ADCY9: variants seen among roughly 807,000 people sequenced by gnomAD.
The protein encoded by ADCY9 is adenylate cyclase 9.
ADCY9 carries 50 observed loss-of-function variants against 101.5 expected under a neutral mutation model. The ratio of observed to expected loss-of-function variants is 0.49; its 90% CI spans 0.39 to 0.62. ADCY9 has a LOEUF of 0.62. Ranked by LOEUF, ADCY9 falls within the 20% of genes least tolerant of loss-of-function variation. ADCY9 has a pLI of 0.00. For synonymous variants in ADCY9, 905 were observed against 769.3 expected, an observed-to-expected ratio of 1.18 and a Z score of -2.92; for missense variants, 1,662 against 1,800.4, an observed-to-expected ratio of 0.92 and a Z score of 1.39.
intron 2 of ADCY9, among the ~76,000 whole-genome samples, chr16:4,017,165 A>G (rs1400675861): frequency 6.7e-6 from 1 of 149,874 alleles, no homozygotes; most frequent in Non-Finnish European, 1.5e-5. Flanking sequence ...CCCTGTCTCA[A>G]ATATAATAAT....
Position 3,979,157 on chromosome 16 carries a change from C to T in ADCY9, c.2638G>A (p.Val880Ile), listed in dbSNP as rs377240633. 1.7e-5 allele frequency: 27 copies of T among 1,614,204 alleles called. No homozygotes were observed. Among genetic ancestry groups the T allele is most frequent in the South Asian group, 9.9e-5 (9 of 91,088 alleles). Reference sequence around the variant, plus strand: ...TATTCGGAGGTGACATGGGAGTAGACGGCCAGTGCGGGAAGCGACACCAGG... The same window carrying T: ...TATTCGGAGGTGACATGGGAGTAGATGGCCAGTGCGGGAAGCGACACCAGG... ...AILVSLPALA[V>I]YSHVTSEYET... Residue 880 changes from valine (V) to isoleucine (I), a missense_variant, in exon 8 of 11, where the codon GTC becomes ATC. By Grantham distance (29) the Val-to-Ile change is conservative (BLOSUM62 3). Transcript: ENST00000294016.
At chr16:4,110,165 T>C (rs1170718438) in intron 2 of ADCY9, among the ~76,000 whole-genome samples, 1 of 152,132 alleles carries the variant, frequency 6.6e-6, no homozygotes, top group Non-Finnish European at 1.5e-5. Flanking sequence ...TTAACGCAGG[T>C]CAGACGCGCC....
At chr16:4,065,098 A>G (rs2056793258) in intron 2 of ADCY9, among the ~76,000 whole-genome samples, 1 of 152,188 alleles carries the variant, frequency 6.6e-6, no homozygotes, top group Non-Finnish European at 1.5e-5. Flanking sequence ...GCGTGTGTCA[A>G]TCTCTAACTG....
At chr16:4,021,088 ATATAC>A (rs2056473301) in intron 2 of ADCY9, among the ~76,000 whole-genome samples, 2 of 152,310 alleles carry the variant, frequency 1.3e-5, no homozygotes, top group South Asian at 2.1e-4. Flanking sequence ...TCTGCTTTTT[ATATAC>A]TATAAATTTT....
At chr16:4,090,654 G>A (rs1298925028) in intron 2 of ADCY9, among the ~76,000 whole-genome samples, 1 of 151,850 alleles carries the variant, frequency 6.6e-6, no homozygotes, top group Non-Finnish European at 1.5e-5. Context: ...TTATCACGCT[G>A]TATTTAGACG....
At chr16:4,003,563 CTT>C (rs34344577) in intron 3 of ADCY9, among the ~76,000 whole-genome samples, 3,110 of 124,482 alleles carry the variant, frequency 0.025, 48 homozygotes, top group Middle Eastern at 0.037. Flanking sequence ...TCTTTCTTTT[CTT>C]TTTTTTTTTT....
chr16:4,048,201 T>C (rs2056678728), intron 2 of ADCY9, among the ~76,000 whole-genome samples: 1 of 152,146 alleles, frequency 6.6e-6, no homozygotes, highest in Non-Finnish European at 1.5e-5. Context: ...AAAAAAGAAA[T>C]GTAATTAGTC....
intron 5 of ADCY9, among the ~76,000 whole-genome samples, chr16:3,991,836 G>T (rs886942976): frequency 2.0e-5 from 3 of 151,540 alleles, no homozygotes; most frequent in Non-Finnish European, 2.9e-5. Flanking sequence ...CTGGGAGGGT[G>T]GGGTAGGTGG....
At chr16:4,027,838 T>C (rs759619212) in intron 2 of ADCY9, among the ~76,000 whole-genome samples, 12 of 151,122 alleles carry the variant, frequency 7.9e-5, no homozygotes, top group Non-Finnish European at 1.5e-4. Flanking sequence ...GATCATGCCA[T>C]TGCACTCCAG....
At chr16:3,978,482 G>A (rs540992105) in intron 8 of ADCY9, among the ~76,000 whole-genome samples, 2 of 152,168 alleles carry the variant, frequency 1.3e-5, no homozygotes, top group Non-Finnish European at 2.9e-5. Context: ...TATGCTTCTC[G>A]CATGGTTAGG....
intron 3 of ADCY9, among the ~76,000 whole-genome samples, chr16:3,998,636 G>A (rs527507674): frequency 1.3e-4 from 19 of 147,468 alleles, no homozygotes; most frequent in African/African-American, 4.5e-4. Context: ...TTGAACCCGG[G>A]AGGTGGAGGT....
At chr16:4,041,146 A>G (rs1334220532) in intron 2 of ADCY9, among the ~76,000 whole-genome samples, 1 of 152,172 alleles carries the variant, frequency 6.6e-6, no homozygotes, top group Non-Finnish European at 1.5e-5. Flanking sequence ...CTAGAAATAG[A>G]GCAAGGAAGC....
chr16:4,089,895 G>C (rs1487591599), intron 2 of ADCY9, among the ~76,000 whole-genome samples: 1 of 152,032 alleles, frequency 6.6e-6, no homozygotes, highest in East Asian at 1.9e-4. Flanking sequence ...GGATCCTTTT[G>C]TTCCCTGGAA....
intron 10 of ADCY9, among the ~76,000 whole-genome samples, chr16:3,968,424 G>T (rs78428592): frequency 0.099 from 15,110 of 152,156 alleles, 1,519 homozygotes; most frequent in African/African-American, 0.25. Context: ...GAGCCACCGC[G>T]CCTGGCCTTG....
chr16:3,982,892 C>CCG (rs950682884), intron 7 of ADCY9: 27 of 311,220 alleles, frequency 8.7e-5, no homozygotes, highest in Non-Finnish European at 1.4e-4. Flanking sequence ...CCCACTACCC[C>CCG]CGCTCATGTC....
At chr16:4,040,858 A>C (rs914517074) in intron 2 of ADCY9, among the ~76,000 whole-genome samples, 5 of 152,178 alleles carry the variant, frequency 3.3e-5, no homozygotes, top group African/African-American at 1.2e-4. Flanking sequence ...TTTAATAATC[A>C]CACTTGTGTA....
intron 3 of ADCY9, among the ~76,000 whole-genome samples, chr16:3,995,913 T>C (rs140870954): frequency 6.6e-6 from 1 of 152,330 alleles, no homozygotes; most frequent in Non-Finnish European, 1.5e-5. Context: ...AAATCATTAA[T>C]TAACATATCT....
rs148549359 is a variant in ADCY9, at chr16:4,020,783, G to A, written c.1694-13225C>T. Among the ~76,000 whole-genome samples, 97 of 148,588 alleles carry A rather than the reference G, an allele frequency of 6.5e-4. 1 individual carries two copies. The East Asian group carries it at 0.018, about 27-fold the overall frequency. ...GGAGCTTGCAGTGAGCTAAGATCGC[G>A]CCACTGCACTCCAGCCTGGGCGACA... On this transcript the variant is annotated intron_variant, in intron 2 of 10. Coordinates refer to ENST00000294016, the MANE Select transcript of ADCY9 (RefSeq NM_001116.4).
At chr16:4,059,368 G>A (rs536778088) in intron 2 of ADCY9, among the ~76,000 whole-genome samples, 49 of 107,784 alleles carry the variant, frequency 4.5e-4, no homozygotes, top group Non-Finnish European at 6.6e-4. Context: ...GCGACACAGC[G>A]AGAATCCATC....
Sources: allele counts gnomAD v4.1 joint callset (sites outside exome capture counted in the v4.1 genomes callset), GRCh38; gene constraint gnomAD v4.1.1; transcripts MANE v1.5; gene names NCBI Gene and HGNC (gene_info 2026-07-23, HGNC 2026-07-21).